The following TRIM16 variants were observed in gnomAD, a reference collection of about 807,000 sequenced individuals.
The protein encoded by TRIM16 is tripartite motif-containing protein 16.
TRIM16 carries 33 observed loss-of-function variants against 50.4 expected under a neutral mutation model. The observed-to-expected ratio is 0.65, with a 90% confidence interval of 0.50 to 0.88. The LOEUF (loss-of-function observed/expected upper bound fraction) is 0.88, where lower values mean the gene tolerates loss of function less well. Ranked by LOEUF, TRIM16 falls within the 40% of genes least tolerant of loss-of-function variation. TRIM16 has a pLI of 0.00. For missense variants in TRIM16, 581 were observed against 686.8 expected (o/e 0.85, Z 1.72); for synonymous variants, 229 against 270.7 (o/e 0.85, Z 1.51).
intron 6 of TRIM16, among the ~76,000 whole-genome samples, chr17:15,669,958 AG>A (rs1300456905): frequency 1.3e-5 from 2 of 152,288 alleles, no homozygotes; most frequent in East Asian, 3.9e-4. Flanking sequence ...TGTCTCCTGG[AG>A]GGGGAAAATC....
intron 6 of TRIM16, among the ~76,000 whole-genome samples, chr17:15,660,091 A>C (rs898811264): frequency 6.6e-6 from 1 of 152,244 alleles, no homozygotes; most frequent in Non-Finnish European, 1.5e-5. Flanking sequence ...ATAGCCCTTC[A>C]GTGTTGGAAA....
chr17:15,630,028 G>A (rs1020754453), intron 11 of TRIM16, among the ~76,000 whole-genome samples: 42 of 152,216 alleles, frequency 2.8e-4, no homozygotes, highest in African/African-American at 9.2e-4. Context: ...CCCTTTCATG[G>A]TGTCCCTTGC....
chr17:15,666,403 A>T (rs890149968), intron 6 of TRIM16, among the ~76,000 whole-genome samples: 43 of 152,234 alleles, frequency 2.8e-4, no homozygotes, highest in Admixed American at 1.0e-3. Flanking sequence ...TTTTTAAAAA[A>T]ATCAACTTTA....
chr17:15,671,342 G>T (rs1988722766), intron 6 of TRIM16, among the ~76,000 whole-genome samples: 1 of 128,210 alleles, frequency 7.8e-6, no homozygotes. Flanking sequence ...ATTTTATATA[G>T]GTGTGCAAAA....
intron 7 of TRIM16, 30 bp downstream of exon 7, chr17:15,651,061 C>A: frequency 6.3e-7 from 1 of 1,579,912 alleles, no homozygotes; most frequent in Non-Finnish European, 8.6e-7. Context: ...CGCCCTCTCC[C>A]AAATGGATGA....
chr17:15,670,219 C>T (rs562744451), intron 6 of TRIM16, among the ~76,000 whole-genome samples: 40 of 152,252 alleles, frequency 2.6e-4, no homozygotes, highest in African/African-American at 9.4e-4. Flanking sequence ...TCCAGTAAAT[C>T]CCCAATTGCC....
intron 4 of TRIM16, among the ~76,000 whole-genome samples, chr17:15,679,778 A>T (rs1473450912): frequency 1.3e-5 from 2 of 152,152 alleles, no homozygotes; most frequent in African/African-American, 2.4e-5. Context: ...TCTACTAAAA[A>T]TACAAAAAAT....
At chr17:15,657,358 T>C (rs1156986553) in intron 6 of TRIM16, among the ~76,000 whole-genome samples, 2 of 152,154 alleles carry the variant, frequency 1.3e-5, no homozygotes, top group African/African-American at 4.8e-5. Flanking sequence ...CATCTCCACC[T>C]CCCAAGTAGC....
intron 6 of TRIM16, among the ~76,000 whole-genome samples, chr17:15,662,289 C>T (rs962380267): frequency 1.3e-5 from 2 of 152,178 alleles, no homozygotes; most frequent in African/African-American, 4.8e-5. Flanking sequence ...TTTAAATGCA[C>T]ACTTGTGACT....
intron 6 of TRIM16, among the ~76,000 whole-genome samples, chr17:15,659,166 G>A (rs750144161): frequency 2.6e-4 from 40 of 152,334 alleles, no homozygotes; most frequent in Non-Finnish European, 4.7e-4. Flanking sequence ...ACTGGATGAA[G>A]AAAACACCGA....
chr17:15,636,312 T>A lies in TRIM16; in HGVS notation c.616-43A>T. On this transcript the variant is annotated intron_variant, in intron 8 of 11. Coordinates refer to ENST00000649191, the MANE Select transcript of TRIM16 (RefSeq NM_001348119.1). ...TGGAAGGCAGCCAAACATTTCTTAG[T>A]GAGGCATCCAACTTGATAGAAACTC... 3.1e-6 allele frequency: 5 copies of A among 1,593,246 alleles called. No homozygotes were observed. In the South Asian group the frequency reaches 5.6e-5, roughly 18 times the overall value.
intron 6 of TRIM16, among the ~76,000 whole-genome samples, chr17:15,667,702 T>C (rs546586327): frequency 6.6e-6 from 1 of 152,318 alleles, no homozygotes; most frequent in African/African-American, 2.4e-5. Context: ...GATCAAACTC[T>C]TTTTTAAAGA....
At chr17:15,660,680 C>T (rs187128075) in intron 6 of TRIM16, among the ~76,000 whole-genome samples, 7 of 152,062 alleles carry the variant, frequency 4.6e-5, no homozygotes, top group Non-Finnish European at 8.8e-5. Flanking sequence ...GGGTGGATCA[C>T]GAGGTCAGGA....
At chr17:15,682,625 G>T (rs1597685503) in intron 3 of TRIM16, among the ~76,000 whole-genome samples, 1 of 152,226 alleles carries the variant, frequency 6.6e-6, no homozygotes, top group Admixed American at 6.5e-5. Flanking sequence ...AGCTCATAGA[G>T]GTTCAAGGGA....
rs1163763503 is a variant in TRIM16 at position 15,628,448 on chromosome 17, A to G, written c.*167T>C. On this transcript the variant is annotated 3_prime_UTR_variant, in exon 12 of 12. Coordinates refer to ENST00000649191, the MANE Select transcript of TRIM16 (RefSeq NM_001348119.1). ...GAATTACTGCAAACACATAGAGAAC[A>G]GCACCATATGGAGCAAAAGAGAGCA... 1.6e-6 allele frequency: 1 copy of G among 622,922 alleles called. No individual in the cohort carries two copies. Among genetic ancestry groups the G allele is most frequent in the Non-Finnish European group, 2.7e-6 (1 of 364,356 alleles). 38.6% of individuals were successfully genotyped at this position (622,922 alleles called of 1,614,324 possible).
chr17:15,632,776 C>T (rs1315447185), intron 9 of TRIM16, 102 bp from the exon 10 acceptor site: 6 of 1,336,172 alleles, frequency 4.5e-6, no homozygotes, highest in Admixed American at 2.8e-5. Flanking sequence ...AATGGGCTGA[C>T]GGTAATGTGT....
chr17:15,673,380 G>A lies in TRIM16; in HGVS notation c.-338+3796C>T, dbSNP rs1208117826. ...TTCAGTTGTGCCTTCTGTAATTCAAGCCCTGTTAAATTTCAAGCTGTACTA... is the reference window on the plus strand; with the variant it reads ...TTCAGTTGTGCCTTCTGTAATTCAAACCCTGTTAAATTTCAAGCTGTACTA... On this transcript the variant is annotated intron_variant, in intron 6 of 11. Transcript: ENST00000649191. Among the ~76,000 whole-genome samples, 4 of 152,316 alleles carry A rather than the reference G, an allele frequency of 2.6e-5. No homozygotes were observed. The East Asian group carries it at 7.7e-4, about 29-fold the overall frequency.
intron 8 of TRIM16, among the ~76,000 whole-genome samples, chr17:15,639,235 A>G (rs1987006650): frequency 6.9e-6 from 1 of 144,634 alleles, no homozygotes; most frequent in Non-Finnish European, 1.5e-5. Context: ...TTGTAGAGAT[A>G]GGAGCTTACT....
At chr17:15,638,552 T>C (rs543947018) in intron 8 of TRIM16, among the ~76,000 whole-genome samples, 1 of 149,150 alleles carries the variant, frequency 6.7e-6, no homozygotes, top group African/African-American at 2.5e-5. Context: ...CCCTATCCCA[T>C]CTGAGACTTT....
Sources: gnomAD v4.1 joint callset for allele counts (sites outside exome capture counted in the v4.1 genomes callset) on GRCh38, gnomAD v4.1.1 for gene constraint, MANE v1.5 for transcripts, NCBI Gene and HGNC (gene_info 2026-07-23, HGNC 2026-07-21) for gene names.